Variants in NDST3 observed in about 807,000 individuals in gnomAD.
NDST3 encodes N-deacetylase and N-sulfotransferase 3.
A neutral mutation model predicts 96.1 loss-of-function variants in NDST3; 58 were observed. The ratio of observed to expected loss-of-function variants is 0.60; its 90% CI spans 0.49 to 0.75. NDST3 has a LOEUF of 0.75. NDST3 is among the 30% of genes least tolerant of loss of function. The pLI is 0.00. For synonymous variants in NDST3, 333 were observed against 359.7 expected, an observed-to-expected ratio of 0.93 and a Z score of 0.84; for missense variants, 788 against 1,034.2, an observed-to-expected ratio of 0.76 and a Z score of 3.27.
intron 2 of NDST3, among the ~76,000 whole-genome samples, chr4:118,099,011 A>T (rs1430852794): frequency 6.6e-6 from 1 of 152,096 alleles, no homozygotes; most frequent in Non-Finnish European, 1.5e-5. Flanking sequence ...ATTACAAAGG[A>T]TTTCATTCAC....
At chr4:118,086,504 C>T (rs1728435094) in intron 2 of NDST3, among the ~76,000 whole-genome samples, 1 of 152,026 alleles carries the variant, frequency 6.6e-6, no homozygotes, top group African/African-American at 2.4e-5. Context: ...TTGAAAGAGG[C>T]ATTTATGTAT....
At chr4:118,242,683 C>G (rs1741082319) in intron 12 of NDST3, among the ~76,000 whole-genome samples, 1 of 152,172 alleles carries the variant, frequency 6.6e-6, no homozygotes, top group South Asian at 2.1e-4. Flanking sequence ...CTATTTGACC[C>G]TGTCATCTCT....
intron 4 of NDST3, among the ~76,000 whole-genome samples, chr4:118,118,027 T>C (rs1393814356): frequency 1.3e-5 from 2 of 152,092 alleles, no homozygotes; most frequent in Non-Finnish European, 2.9e-5. Flanking sequence ...GACAAAAAAC[T>C]AAATCTGAGG....
intron 4 of NDST3, among the ~76,000 whole-genome samples, chr4:118,133,272 A>G (rs1732788038): frequency 6.6e-6 from 1 of 152,170 alleles, no homozygotes; most frequent in South Asian, 2.1e-4. Context: ...CCCCTTGGCT[A>G]AGTCTGGTCC....
chr4:118,164,607 A>C (rs1735420258), intron 6 of NDST3, among the ~76,000 whole-genome samples: 1 of 152,124 alleles, frequency 6.6e-6, no homozygotes, highest in African/African-American at 2.4e-5. Flanking sequence ...AAATGAAAAC[A>C]CCCTAGGCAG....
chr4:118,146,145 T>G (rs1205745713), intron 6 of NDST3, among the ~76,000 whole-genome samples: 1 of 152,196 alleles, frequency 6.6e-6, no homozygotes, highest in Non-Finnish European at 1.5e-5. Context: ...GCAGATGACA[T>G]TTTTTATTAG....
chr4:118,246,923 G>A (rs1164240654), intron 12 of NDST3, among the ~76,000 whole-genome samples: 1 of 152,084 alleles, frequency 6.6e-6, no homozygotes, highest in Non-Finnish European at 1.5e-5. Context: ...CACAAATGTT[G>A]GCAAATATGT....
chr4:118,127,060 A>T, intron 4 of NDST3, among the ~76,000 whole-genome samples: 1 of 151,572 alleles, frequency 6.6e-6, no homozygotes, highest in Non-Finnish European at 1.5e-5. Context: ...TTTACTATAG[A>T]GTTGTTTGAG....
chr4:118,246,461 T>C (rs1741316842), intron 12 of NDST3, among the ~76,000 whole-genome samples: 1 of 152,084 alleles, frequency 6.6e-6, no homozygotes, highest in East Asian at 1.9e-4. Context: ...AAAAAATTAG[T>C]TGGGCATGGT....
At chr4:118,145,540 AT>A (rs2125908973) in intron 6 of NDST3, among the ~76,000 whole-genome samples, 1 of 152,366 alleles carries the variant, frequency 6.6e-6, no homozygotes, top group East Asian at 1.9e-4. Context: ...TACATTTTTT[AT>A]TAATTTAAAA....
chr4:118,194,221 G>A (rs1336197957), intron 6 of NDST3: 5 of 732,706 alleles, frequency 6.8e-6, no homozygotes, highest in African/African-American at 1.7e-5. Context: ...ACTAGTCCTT[G>A]TAGCACCCTT....
intron 6 of NDST3, among the ~76,000 whole-genome samples, chr4:118,170,526 G>A (rs1232351780): frequency 1.3e-5 from 2 of 152,118 alleles, no homozygotes; most frequent in Admixed American, 1.3e-4. Context: ...TCAGGAGTTC[G>A]AGACCAGCCT....
chr4:118,209,123 A>G (rs1560719009), intron 6 of NDST3, among the ~76,000 whole-genome samples: 1 of 152,316 alleles, frequency 6.6e-6, no homozygotes, highest in South Asian at 2.1e-4. Flanking sequence ...TGCTCTTCCT[A>G]TATCTATTAT....
chr4:118,036,184 G>T (rs1249871557), intron 1 of NDST3, among the ~76,000 whole-genome samples: 2 of 151,930 alleles, frequency 1.3e-5, no homozygotes, highest in African/African-American at 4.8e-5. Context: ...AAACTGTAAA[G>T]AAATTACAAT....
At chr4:118,112,916 G>C (rs528896041) in intron 3 of NDST3, among the ~76,000 whole-genome samples, 2 of 151,982 alleles carry the variant, frequency 1.3e-5, no homozygotes, top group Non-Finnish European at 2.9e-5. Context: ...TAATGATTTG[G>C]TCAGTTCTTG....
At chr4:118,088,707 G>A (rs763363311) in intron 2 of NDST3, among the ~76,000 whole-genome samples, 2 of 151,902 alleles carry the variant, frequency 1.3e-5, no homozygotes, top group Non-Finnish European at 2.9e-5. Context: ...TTTCATGAAG[G>A]GTCTTTCTAA....
intron 4 of NDST3, among the ~76,000 whole-genome samples, chr4:118,132,488 G>A (rs1192116923): frequency 6.6e-6 from 1 of 152,120 alleles, no homozygotes; most frequent in African/African-American, 2.4e-5. Flanking sequence ...CCCACAGAAG[G>A]TCCGGAAATG....
At chr4:118,152,463 T>G (rs1477403564) in intron 6 of NDST3, among the ~76,000 whole-genome samples, 1 of 152,218 alleles carries the variant, frequency 6.6e-6, no homozygotes, top group African/African-American at 2.4e-5. Flanking sequence ...TCTTTAAAAC[T>G]TATGAATTGT....
intron 1 of NDST3, among the ~76,000 whole-genome samples, chr4:118,040,806 C>T (rs1724400950): frequency 6.7e-6 from 1 of 149,316 alleles, no homozygotes; most frequent in Non-Finnish European, 1.5e-5. Flanking sequence ...CTTCAGCCTC[C>T]CAAGTAGCTG....
Sources: allele counts gnomAD v4.1 joint callset (sites outside exome capture counted in the v4.1 genomes callset), GRCh38; gene constraint gnomAD v4.1.1; transcripts MANE v1.5; gene names NCBI Gene and HGNC (gene_info 2026-07-23, HGNC 2026-07-21).